IGSF11: variants seen among roughly 807,000 people sequenced by gnomAD.
IGSF11 encodes CXADR like 1.
A neutral mutation model predicts 41.0 loss-of-function variants in IGSF11; 22 were observed. The ratio of observed to expected loss-of-function variants is 0.54; its 90% CI spans 0.38 to 0.77. The LOEUF (loss-of-function observed/expected upper bound fraction) is 0.77. Among genes scored for constraint, IGSF11 ranks in the 30% least tolerant of loss-of-function variants. IGSF11 has a pLI of 0.00. For synonymous variants in IGSF11, 219 were observed against 201.3 expected (o/e 1.09, Z -0.74); for missense variants, 444 against 530.8 (o/e 0.84, Z 1.61).
intron 1 of IGSF11, among the ~76,000 whole-genome samples, chr3:119,056,086 T>C (rs1941822078): frequency 6.6e-6 from 1 of 151,750 alleles, no homozygotes; most frequent in Non-Finnish European, 1.5e-5. Context: ...GCAAATACAT[T>C]CAAAAGCTAG....
chr3:119,121,208 T>C (rs1231888178), intron 1 of IGSF11, among the ~76,000 whole-genome samples: 4 of 152,070 alleles, frequency 2.6e-5, no homozygotes, highest in Non-Finnish European at 1.5e-5. Context: ...AAGCAACTAA[T>C]AGAAAATATC....
At chr3:118,905,806 A>G in intron 4 of IGSF11, 88 bp from the exon 5 acceptor site, 1 of 1,433,848 alleles carries the variant, frequency 7.0e-7, no homozygotes, top group South Asian at 1.2e-5. Flanking sequence ...AAACAGACGA[A>G]CACTGGAGAG....
At chr3:118,930,393 A>G (rs1032483692) in intron 1 of IGSF11, 118 bp from the exon 2 acceptor site, 3 of 963,374 alleles carry the variant, frequency 3.1e-6, no homozygotes, top group Non-Finnish European at 4.4e-6. Flanking sequence ...GAACAGACTG[A>G]CATGATAGTC....
At chr3:118,944,457 T>TACACACACACACACACACACACACAC (rs3079206) in intron 1 of IGSF11, among the ~76,000 whole-genome samples, 1 of 125,740 alleles carries the variant, frequency 8.0e-6, no homozygotes, top group African/African-American at 2.9e-5. Context: ...TAGCTTGAAA[T>TACACACACACACACACACACACACAC]ACACACACAC....
intron 1 of IGSF11, among the ~76,000 whole-genome samples, chr3:118,955,306 C>T (rs1159297220): frequency 3.3e-5 from 5 of 151,768 alleles, no homozygotes; most frequent in East Asian, 3.9e-4. Context: ...AATGAAATAA[C>T]AGCATTCACA....
At chr3:118,975,867 G>T (rs1490438824) in intron 1 of IGSF11, among the ~76,000 whole-genome samples, 2 of 152,066 alleles carry the variant, frequency 1.3e-5, no homozygotes. Context: ...GGGACTACTG[G>T]GGGGCAGGGG....
At chr3:118,909,021 G>A (rs1939949047) in intron 4 of IGSF11, among the ~76,000 whole-genome samples, 1 of 152,194 alleles carries the variant, frequency 6.6e-6, no homozygotes, top group Admixed American at 6.5e-5. Context: ...GGTTAGTATA[G>A]TATATGGTAA....
rs184960609 is a variant in IGSF11 at position 118,953,307 on chromosome 3, T to G, written c.53-23032A>C. On this transcript the variant is annotated intron_variant, in intron 1 of 6. Coordinates refer to ENST00000393775, the MANE Select transcript of IGSF11 (RefSeq NM_001015887.3). Reference sequence around the variant, plus strand: ...TTATCCACTCGTTGATTGATGGACATTTGGGCTGGTTCCATATATTTGCAA... The same window carrying G: ...TTATCCACTCGTTGATTGATGGACAGTTGGGCTGGTTCCATATATTTGCAA... Among the ~76,000 whole-genome samples the G allele has an allele frequency of 5.3e-5, 8 of 152,304 alleles. No individual in the cohort carries two copies. In the East Asian group the frequency reaches 9.6e-4, roughly 18 times the overall value.
chr3:118,920,340 T>A (rs1380292200), intron 4 of IGSF11, among the ~76,000 whole-genome samples: 12 of 149,330 alleles, frequency 8.0e-5, no homozygotes, highest in Non-Finnish European at 1.5e-4. Context: ...AATAAATAAA[T>A]TAAATAAATA....
chr3:119,118,846 A>C (rs557084203), intron 1 of IGSF11, among the ~76,000 whole-genome samples: 2 of 152,268 alleles, frequency 1.3e-5, no homozygotes, highest in African/African-American at 4.8e-5. Flanking sequence ...ATCTCTCCCA[A>C]GTTTAAAGTT....
intron 1 of IGSF11, among the ~76,000 whole-genome samples, chr3:118,972,355 T>C (rs1332020610): frequency 1.3e-5 from 2 of 152,198 alleles, no homozygotes; most frequent in Non-Finnish European, 2.9e-5. Context: ...CTCATGCTCT[T>C]ACCACTTTTT....
At chr3:119,002,385 T>C (rs1936993906) in intron 1 of IGSF11, among the ~76,000 whole-genome samples, 1 of 151,120 alleles carries the variant, frequency 6.6e-6, no homozygotes, top group African/African-American at 2.5e-5. Flanking sequence ...CTTTGTCAGA[T>C]GAGTAGGTTG....
intron 1 of IGSF11, among the ~76,000 whole-genome samples, chr3:119,063,640 G>A (rs1052056603): frequency 4.6e-5 from 7 of 152,100 alleles, no homozygotes; most frequent in Admixed American, 2.0e-4. Context: ...TTGTGTTCTT[G>A]TTATTATAGT....
intron 4 of IGSF11, among the ~76,000 whole-genome samples, chr3:118,913,673 G>A (rs1273981520): frequency 1.3e-5 from 2 of 151,980 alleles, no homozygotes. Flanking sequence ...TTTACTATAA[G>A]AAAATGGAAC....
intron 1 of IGSF11, among the ~76,000 whole-genome samples, chr3:119,021,824 T>G (rs1303674633): frequency 6.6e-6 from 1 of 152,096 alleles, no homozygotes; most frequent in East Asian, 1.9e-4. Context: ...AGAAAAAAAT[T>G]GCTTAAATGA....
At chr3:119,004,547 G>C (rs1384535292) in intron 1 of IGSF11, among the ~76,000 whole-genome samples, 1 of 139,540 alleles carries the variant, frequency 7.2e-6, no homozygotes, top group Non-Finnish European at 1.5e-5. Context: ...TCTTTTAATT[G>C]TGATGTTAGG....
At chr3:118,986,278 T>G (rs1935248851) in intron 1 of IGSF11, among the ~76,000 whole-genome samples, 1 of 152,128 alleles carries the variant, frequency 6.6e-6, no homozygotes, top group Non-Finnish European at 1.5e-5. Context: ...AAAGCACCCA[T>G]CGCACCCCAT....
At chr3:119,032,632 G>C (rs555362599) in intron 1 of IGSF11, among the ~76,000 whole-genome samples, 1 of 152,226 alleles carries the variant, frequency 6.6e-6, no homozygotes, top group African/African-American at 2.4e-5. Context: ...CCTTCAGGCT[G>C]TTCCTTTGGT....
At chr3:119,107,124 A>C (rs2077045129), upstream of IGSF11, among the ~76,000 whole-genome samples, 1 of 152,144 alleles carries the variant, frequency 6.6e-6, no homozygotes, top group South Asian at 2.1e-4. Flanking sequence ...GGCTGGGTCA[A>C]ATAGTATTTC....
Sources: allele counts gnomAD v4.1 joint callset (sites outside exome capture counted in the v4.1 genomes callset), GRCh38; gene constraint gnomAD v4.1.1; transcripts MANE v1.5; gene names NCBI Gene and HGNC (gene_info 2026-07-23, HGNC 2026-07-21).